The following SETBP1 variants were observed in gnomAD, a reference collection of about 807,000 sequenced individuals.
The protein encoded by SETBP1 is SET binding protein 1.
In SETBP1, 9 loss-of-function variants were observed where a neutral mutation model predicts 101.0. The observed-to-expected ratio is 0.09, with a 90% CI of 0.05 to 0.16. The LOEUF (loss-of-function observed/expected upper bound fraction) is 0.16. SETBP1 is among the 10% of genes least tolerant of loss of function. The pLI, the probability that SETBP1 is intolerant of heterozygous loss-of-function variation, is 1.00. For synonymous variants in SETBP1, 818 were observed against 788.5 expected, an observed-to-expected ratio of 1.04 and a Z score of -0.63; for missense variants, 1,858 against 2,033.8, an observed-to-expected ratio of 0.91 and a Z score of 1.66.
intron 2 of SETBP1, among the ~76,000 whole-genome samples, chr18:44,745,209 A>G (rs181499762): frequency 1.4e-4 from 21 of 152,280 alleles, no homozygotes; most frequent in African/African-American, 5.1e-4. Flanking sequence ...CTTAAGGTAG[A>G]TTTATAATCA....
At chr18:44,864,461 A>T (rs2069085365) in intron 2 of SETBP1, among the ~76,000 whole-genome samples, 1 of 152,154 alleles carries the variant, frequency 6.6e-6, no homozygotes, top group Non-Finnish European at 1.5e-5. Context: ...AGAGAAAATA[A>T]GAAAGCAACC....
chr18:44,998,563 C>T (rs1009755109), intron 4 of SETBP1, among the ~76,000 whole-genome samples: 1 of 152,228 alleles, frequency 6.6e-6, no homozygotes, highest in Non-Finnish European at 1.5e-5. Flanking sequence ...CAACGACTGC[C>T]GTTCCTTTTT....
intron 5 of SETBP1, among the ~76,000 whole-genome samples, chr18:45,045,685 G>A (rs147077179): frequency 6.6e-6 from 1 of 152,228 alleles, no homozygotes; most frequent in East Asian, 1.9e-4. Flanking sequence ...CCACTCACCA[G>A]CTAGGTGATC....
chr18:44,886,537 A>G (rs1233447797), intron 3 of SETBP1, among the ~76,000 whole-genome samples: 3 of 152,014 alleles, frequency 2.0e-5, no homozygotes, highest in Non-Finnish European at 2.9e-5. Flanking sequence ...TTTATATGTC[A>G]AGGTGGTTTT....
chr18:44,748,200 GGGAA>G (rs986432811), intron 2 of SETBP1, among the ~76,000 whole-genome samples: 9 of 151,934 alleles, frequency 5.9e-5, no homozygotes, highest in Admixed American at 1.3e-4. Context: ...AAGGAAGGAT[GGGAA>G]GGAAGGAAGG....
At chr18:44,704,700 C>A (rs1391763352) in intron 2 of SETBP1, among the ~76,000 whole-genome samples, 1 of 152,184 alleles carries the variant, frequency 6.6e-6, no homozygotes, top group African/African-American at 2.4e-5. Context: ...GATGTAGAAA[C>A]CTTGCCTACT....
intron 3 of SETBP1, among the ~76,000 whole-genome samples, chr18:44,874,373 G>A (rs2069347685): frequency 6.6e-6 from 1 of 152,160 alleles, no homozygotes; most frequent in Admixed American, 6.5e-5. Context: ...ACAATGGGAG[G>A]CATTGAAAGT....
At chr18:44,731,988 T>G (rs2144402736) in intron 2 of SETBP1, among the ~76,000 whole-genome samples, 1 of 152,344 alleles carries the variant, frequency 6.6e-6, no homozygotes, top group East Asian at 1.9e-4. Context: ...TAATGCCTTG[T>G]TTGATCCCAT....
intron 2 of SETBP1, among the ~76,000 whole-genome samples, chr18:44,855,916 C>T (rs2072967055): frequency 6.6e-6 from 1 of 152,180 alleles, no homozygotes; most frequent in Non-Finnish European, 1.5e-5. Flanking sequence ...GGATCAGAGG[C>T]TGGCTACTGG....
At chr18:44,838,801 G>A (rs992551775) in intron 2 of SETBP1, among the ~76,000 whole-genome samples, 7 of 150,970 alleles carry the variant, frequency 4.6e-5, no homozygotes, top group African/African-American at 1.2e-4. Flanking sequence ...TCACTTTTTC[G>A]GAAAACAGGA....
chr18:44,806,397 A>G (rs1456325455), intron 2 of SETBP1, among the ~76,000 whole-genome samples: 1 of 151,848 alleles, frequency 6.6e-6, no homozygotes, highest in Non-Finnish European at 1.5e-5. Context: ...TCTCCTTTTC[A>G]TATCTTTCAG....
chr18:45,028,409 A>G (rs569690757), intron 4 of SETBP1, among the ~76,000 whole-genome samples: 214 of 151,856 alleles, frequency 1.4e-3, no homozygotes, highest in African/African-American at 4.9e-3. Flanking sequence ...CCAGTCTATC[A>G]TTGTTGGACA....
intron 2 of SETBP1, among the ~76,000 whole-genome samples, chr18:44,852,587 G>A (rs1257111590): frequency 6.6e-6 from 1 of 152,118 alleles, no homozygotes; most frequent in Non-Finnish European, 1.5e-5. Flanking sequence ...GGTATAATAG[G>A]TATAAAGCAC....
intron 2 of SETBP1, among the ~76,000 whole-genome samples, chr18:44,804,659 A>T (rs1010904858): frequency 6.6e-6 from 1 of 152,162 alleles, no homozygotes. Context: ...AGTTCTATCC[A>T]CTATGAGGAA....
chr18:44,692,538 A>T (rs1167678858), intron 1 of SETBP1, among the ~76,000 whole-genome samples: 2 of 152,208 alleles, frequency 1.3e-5, no homozygotes, highest in Non-Finnish European at 1.5e-5. Flanking sequence ...ACTCATTTAA[A>T]ATATAGCCCT....
At chr18:44,829,026 A>G in intron 2 of SETBP1, among the ~76,000 whole-genome samples, 1 of 152,272 alleles carries the variant, frequency 6.6e-6, no homozygotes, top group Admixed American at 6.5e-5. Flanking sequence ...TCATGCTAAG[A>G]CAAGACATTT....
chr18:44,823,549 C>T (rs568148986), intron 2 of SETBP1, among the ~76,000 whole-genome samples: 2 of 152,288 alleles, frequency 1.3e-5, no homozygotes, highest in South Asian at 2.1e-4. Context: ...TTCAGGCTTA[C>T]GAGCTGCTGA....
intron 2 of SETBP1, among the ~76,000 whole-genome samples, chr18:44,753,587 C>A (rs574737682): frequency 6.6e-6 from 1 of 152,202 alleles, no homozygotes; most frequent in Non-Finnish European, 1.5e-5. Flanking sequence ...TTCTCAAGTT[C>A]TGGGCATATG....
At chr18:44,869,204 G>A (rs772981563) in intron 2 of SETBP1, 26 bp from the exon 3 acceptor site, 39 of 1,612,478 alleles carry the variant, frequency 2.4e-5, no homozygotes, top group Admixed American at 3.3e-5. Context: ...AAGTGTCACT[G>A]AGAAAATTTC....
Sources: gnomAD v4.1 joint callset for allele counts (sites outside exome capture counted in the v4.1 genomes callset) on GRCh38, gnomAD v4.1.1 for gene constraint, MANE v1.5 for transcripts, NCBI Gene and HGNC (gene_info 2026-07-23, HGNC 2026-07-21) for gene names.